Variants in RASGRF2 observed in about 807,000 individuals in gnomAD.
RASGRF2 encodes the protein Ras protein specific guanine nucleotide releasing factor 2.
In RASGRF2, 76 loss-of-function variants were observed where a neutral mutation model predicts 151.0. That is an observed-to-expected ratio of 0.50 (90% CI 0.42 to 0.61). The LOEUF is 0.61. Ranked by LOEUF, RASGRF2 falls within the 20% of genes least tolerant of loss-of-function variation. The pLI is 0.00. For synonymous variants in RASGRF2, 504 were observed against 566.5 expected (o/e 0.89, Z 1.57); for missense variants, 1,148 against 1,564.6 (o/e 0.73, Z 4.49).
At chr5:81,108,117 C>T (rs1752893587) in intron 12 of RASGRF2, among the ~76,000 whole-genome samples, 1 of 152,220 alleles carries the variant, frequency 6.6e-6, no homozygotes, top group South Asian at 2.1e-4. Flanking sequence ...AGCTTCACTG[C>T]ACTATTTAAT....
At chr5:80,973,194 T>C (rs1433171413) in intron 1 of RASGRF2, among the ~76,000 whole-genome samples, 1 of 152,182 alleles carries the variant, frequency 6.6e-6, no homozygotes, top group Non-Finnish European at 1.5e-5. Flanking sequence ...CAAATTGTGG[T>C]TAAATCAAGC....
At chr5:81,150,006 C>A (rs1754098270) in intron 17 of RASGRF2, among the ~76,000 whole-genome samples, 1 of 152,164 alleles carries the variant, frequency 6.6e-6, no homozygotes, top group African/African-American at 2.4e-5. Context: ...AGGATTTGAG[C>A]TTCTGTTCTT....
chr5:81,068,998 C>T (rs1380445733), intron 3 of RASGRF2, among the ~76,000 whole-genome samples: 1 of 152,204 alleles, frequency 6.6e-6, no homozygotes, highest in African/African-American at 2.4e-5. Flanking sequence ...TTCTGAGATT[C>T]AAAGAAGGGA....
intron 1 of RASGRF2, among the ~76,000 whole-genome samples, chr5:80,987,453 G>T (rs767209751): frequency 3.3e-5 from 5 of 152,134 alleles, no homozygotes; most frequent in African/African-American, 9.7e-5. Flanking sequence ...TAGTTCAGTC[G>T]TTTGAATTCA....
intron 15 of RASGRF2, among the ~76,000 whole-genome samples, chr5:81,122,375 G>A (rs1753333126): frequency 6.6e-6 from 1 of 151,082 alleles, no homozygotes; most frequent in Non-Finnish European, 1.5e-5. Flanking sequence ...AAAACCGACA[G>A]CTAAGCACTG....
In RASGRF2 at chr5:81,114,013, A is replaced by G. The variant is rs551046787; in HGVS notation, c.2470+93A>G. On this transcript the variant is annotated intron_variant, in intron 15 of 26. Coordinates refer to ENST00000265080, the MANE Select transcript of RASGRF2 (RefSeq NM_006909.3). ...TTTGGAACACTGGTTCCCTTTCTTT[A>G]CAACTGTAATACTTCTGCATAGAAA... The G allele has an allele frequency of 2.0e-4, 281 of 1,416,446 alleles. 2 individuals are homozygous for G. The highest frequency in any genetic ancestry group is 2.0e-3 in the South Asian group (146 of 73,622). 87.7% of individuals were successfully genotyped at this position (1,416,446 alleles called of 1,614,324 possible).
intron 1 of RASGRF2, among the ~76,000 whole-genome samples, chr5:80,984,578 T>C (rs17595416): frequency 0.2 from 30,113 of 152,192 alleles, 3,759 homozygotes; most frequent in Middle Eastern, 0.4. Flanking sequence ...ATATGTGTTC[T>C]TAAAAATCTA....
At chr5:81,216,512 CTAATAA>C (rs766230798) in intron 24 of RASGRF2, among the ~76,000 whole-genome samples, 37 of 151,580 alleles carry the variant, frequency 2.4e-4, no homozygotes, top group Admixed American at 4.6e-4. Context: ...AAGACTAAGA[CTAATAA>C]TAATAATAAT....
intron 18 of RASGRF2, among the ~76,000 whole-genome samples, chr5:81,196,133 C>T (rs1235378626): frequency 6.6e-6 from 1 of 152,144 alleles, no homozygotes; most frequent in Non-Finnish European, 1.5e-5. Context: ...GTGGTGTGCA[C>T]CTGTAGTCAC....
chr5:81,073,565 A>G (rs1751845661), intron 5 of RASGRF2, 113 bp downstream of exon 5: 2 of 1,113,122 alleles, frequency 1.8e-6, no homozygotes, highest in Non-Finnish European at 2.4e-6. Context: ...TTAGTTTATG[A>G]TAGTAAAAAT....
chr5:81,021,216 A>G (rs574589558), intron 1 of RASGRF2, among the ~76,000 whole-genome samples: 113 of 152,346 alleles, frequency 7.4e-4, no homozygotes, highest in African/African-American at 2.2e-3. Context: ...TTGTAAGCAG[A>G]TCTGACAGCT....
chr5:81,194,825 A>G (rs73768035), intron 18 of RASGRF2, among the ~76,000 whole-genome samples: 23 of 152,352 alleles, frequency 1.5e-4, no homozygotes, highest in African/African-American at 5.5e-4. Context: ...AAACCCACCC[A>G]GAAGTCTGCT....
chr5:81,215,837 A>C, intron 23 of RASGRF2, 39 bp from the exon 24 acceptor site: 2 of 1,484,806 alleles, frequency 1.3e-6, no homozygotes, highest in Non-Finnish European at 1.8e-6. Flanking sequence ...TTTAAACCAT[A>C]GTATTTTCAT....
At chr5:81,190,762 G>C (rs1208172271) in intron 18 of RASGRF2, among the ~76,000 whole-genome samples, 2 of 152,126 alleles carry the variant, frequency 1.3e-5, no homozygotes, top group East Asian at 3.9e-4. Flanking sequence ...ATTTACAGCA[G>C]GATTTATTAA....
intron 4 of RASGRF2, among the ~76,000 whole-genome samples, chr5:81,072,711 CA>C (rs1001583970): frequency 6.6e-6 from 1 of 151,824 alleles, no homozygotes; most frequent in African/African-American, 2.4e-5. Flanking sequence ...ACAAAACAAA[CA>C]AAAAAAACAG....
In RASGRF2 at chr5:81,073,598, C is replaced by T. The variant is rs1266510113; in HGVS notation, c.887+146C>T. On this transcript the variant is annotated intron_variant, in intron 5 of 26. Coordinates refer to ENST00000265080, the MANE Select transcript of RASGRF2 (RefSeq NM_006909.3). The stretch of plus-strand genomic sequence containing the variant: ...AATAAGAAAGCTATTACTTGTGTTC[C>T]ATTGTTATTTTATTTTATTTTATTT... 6.2e-6 allele frequency: 5 copies of T among 803,688 alleles called. No homozygotes were observed. The African/African-American group carries it at 9.0e-5, about 14-fold the overall frequency. 49.8% of individuals were successfully genotyped at this position (803,688 alleles called of 1,614,324 possible).
At chr5:81,006,711 G>A (rs1051812622) in intron 1 of RASGRF2, among the ~76,000 whole-genome samples, 3 of 152,038 alleles carry the variant, frequency 2.0e-5, no homozygotes, top group Non-Finnish European at 2.9e-5. Context: ...CCACTTCTCC[G>A]TCTGCCCCAA....
chr5:80,985,278 A>ATACTGAT (rs1440582750), intron 1 of RASGRF2, among the ~76,000 whole-genome samples: 1 of 152,208 alleles, frequency 6.6e-6, no homozygotes, highest in African/African-American at 2.4e-5. Flanking sequence ...CTGACCGTTC[A>ATACTGAT]TACTGATTCT....
intron 6 of RASGRF2, 94 bp downstream of exon 6, chr5:81,080,294 A>G (rs1362632963): frequency 3.3e-6 from 5 of 1,534,238 alleles, no homozygotes; most frequent in Middle Eastern, 1.8e-4. Flanking sequence ...AACTGTTTGC[A>G]TCACCCTGTT....
Sources: gnomAD v4.1 joint callset for allele counts (sites outside exome capture counted in the v4.1 genomes callset) on GRCh38, gnomAD v4.1.1 for gene constraint, MANE v1.5 for transcripts, NCBI Gene and HGNC (gene_info 2026-07-23, HGNC 2026-07-21) for gene names.